The following WDR27 variants were observed in gnomAD, a reference collection of about 807,000 sequenced individuals.
WDR27 encodes the protein WD repeat domain 27.
WDR27 carries 100 observed loss-of-function variants against 114.4 expected under a neutral mutation model. The observed-to-expected ratio is 0.87, with a 90% CI of 0.74 to 1.03. WDR27 has a LOEUF of 1.03. Ranked by LOEUF, WDR27 falls within the 50% of genes least tolerant of loss-of-function variation. The pLI is 0.00. For synonymous variants in WDR27, 449 were observed against 423.1 expected (o/e 1.06, Z -0.75); for missense variants, 1,129 against 1,092.9 (o/e 1.03, Z -0.47).
chr6:169,521,619 G>A (rs549284095), intron 25 of WDR27, among the ~76,000 whole-genome samples: 5 of 152,066 alleles, frequency 3.3e-5, no homozygotes, highest in South Asian at 4.2e-4. Context: ...AACAGGTAAC[G>A]TAAAAAATAT....
chr6:169,655,401 A>C (rs528852895), intron 13 of WDR27, among the ~76,000 whole-genome samples: 2 of 152,372 alleles, frequency 1.3e-5, no homozygotes, highest in South Asian at 4.1e-4. Context: ...AAGACTGCTC[A>C]CAACAGCAGC....
At chr6:169,662,860 G>A (rs1341469561) in intron 8 of WDR27, among the ~76,000 whole-genome samples, 4 of 135,846 alleles carry the variant, frequency 2.9e-5, no homozygotes, top group African/African-American at 8.5e-5. Context: ...CGTGTGCACC[G>A]CGGAGTACTC....
chr6:169,476,046 CTGTTGGGAGAAAAGCTGAG>C (rs1408577556), intron 25 of WDR27, among the ~76,000 whole-genome samples: 2 of 152,140 alleles, frequency 1.3e-5, no homozygotes, highest in African/African-American at 2.4e-5. Context: ...TTCTATGCAG[CTGTTGGGAGAAAAGCTGAG>C]TGTTGGGAGA....
At chr6:169,666,430 G>T in intron 6 of WDR27, 2 of 985,422 alleles carry the variant, frequency 2.0e-6, no homozygotes, top group Non-Finnish European at 2.4e-6. Flanking sequence ...ATGGAAGAAC[G>T]CTCTCCTTTT....
At chr6:169,443,250 G>T in the WDR27 span, among the ~76,000 whole-genome samples, 1 of 152,222 alleles carries the variant, frequency 6.6e-6, no homozygotes, top group African/African-American at 2.4e-5. Context: ...CCCAAGCTCA[G>T]CAGGACCCTC....
chr6:169,626,325 C>T (rs1814817902), intron 21 of WDR27, among the ~76,000 whole-genome samples: 1 of 152,164 alleles, frequency 6.6e-6, no homozygotes, highest in Admixed American at 6.5e-5. Flanking sequence ...GGGGGCTGTG[C>T]TGTAGTGAGC....
chr6:169,430,306 C>T, the WDR27 span, among the ~76,000 whole-genome samples: 75 of 152,310 alleles, frequency 4.9e-4, no homozygotes, highest in Non-Finnish European at 7.5e-4. Context: ...TGAACAGGCC[C>T]CACAGTGTAG....
chr6:169,454,996 C>T (rs533719095), downstream of WDR27, among the ~76,000 whole-genome samples: 23 of 152,324 alleles, frequency 1.5e-4, no homozygotes, highest in Non-Finnish European at 2.5e-4. Context: ...GCAAAGACTG[C>T]GGGCTCTGGT....
chr6:169,585,266 T>G (rs1022762797), intron 23 of WDR27, among the ~76,000 whole-genome samples: 4 of 152,142 alleles, frequency 2.6e-5, no homozygotes, highest in Admixed American at 2.0e-4. Flanking sequence ...GAAGAAAAGC[T>G]CAGGCTACAA....
At chr6:169,636,617 T>C (rs1817713251) in intron 18 of WDR27, 113 bp from the exon 19 acceptor site, 13 of 1,123,930 alleles carry the variant, frequency 1.2e-5, no homozygotes, top group East Asian at 2.6e-5. Flanking sequence ...GTTCTAAATG[T>C]GTACATAAAC....
intron 7 of WDR27, chr6:169,664,673 A>C: frequency 9.7e-7 from 1 of 1,027,282 alleles, no homozygotes; most frequent in Non-Finnish European, 1.2e-6. Flanking sequence ...ACTTTGTCAA[A>C]AGGAAAAAAA....
intron 25 of WDR27, among the ~76,000 whole-genome samples, chr6:169,543,775 G>A (rs1023170382): frequency 1.3e-5 from 2 of 152,094 alleles, no homozygotes; most frequent in African/African-American, 2.4e-5. Flanking sequence ...TAAAGGTTAT[G>A]TGAGTTGTGA....
chr6:169,649,822 A>AT (rs1821786940), intron 14 of WDR27, among the ~76,000 whole-genome samples: 2 of 136,066 alleles, frequency 1.5e-5, no homozygotes, highest in African/African-American at 5.7e-5. Context: ...TCCCTCACAC[A>AT]TCCATCTCTC....
intron 25 of WDR27, among the ~76,000 whole-genome samples, chr6:169,500,288 T>G (rs73789971): frequency 0.018 from 2,730 of 152,258 alleles, 84 homozygotes; most frequent in African/African-American, 0.062. Flanking sequence ...TAGCAACATG[T>G]TGACTAAAAT....
At chr6:169,442,706 G>A in the WDR27 span, among the ~76,000 whole-genome samples, 2 of 152,148 alleles carry the variant, frequency 1.3e-5, no homozygotes, top group African/African-American at 4.8e-5. Context: ...ATAACCGAGT[G>A]GGACCACAGC....
At chr6:169,554,174 C>T (rs1005690494) in intron 25 of WDR27, among the ~76,000 whole-genome samples, 6 of 152,162 alleles carry the variant, frequency 3.9e-5, no homozygotes, top group East Asian at 1.9e-4. Context: ...AGGCTAGAAG[C>T]GGGTGGTCAT....
At chr6:169,661,583 G>T (rs1826128188) in intron 9 of WDR27, among the ~76,000 whole-genome samples, 1 of 152,178 alleles carries the variant, frequency 6.6e-6, no homozygotes, top group African/African-American at 2.4e-5. Context: ...GGGTCATGTG[G>T]CTCTGGCTTA....
At chr6:169,470,507 C>A (rs896907227) in intron 25 of WDR27, among the ~76,000 whole-genome samples, 1 of 152,196 alleles carries the variant, frequency 6.6e-6, no homozygotes, top group Non-Finnish European at 1.5e-5. Context: ...TAGAAATTAT[C>A]ATTTGCAGTT....
chr6:169,658,902 T>C (rs1278203018), intron 12 of WDR27, among the ~76,000 whole-genome samples, 184 bp downstream of exon 12: 2 of 152,174 alleles, frequency 1.3e-5, no homozygotes, highest in African/African-American at 2.4e-5. Context: ...TTAGCCAGGA[T>C]GGTCTCGATC....
Sources: allele counts gnomAD v4.1 joint callset (sites outside exome capture counted in the v4.1 genomes callset), GRCh38; gene constraint gnomAD v4.1.1; transcripts MANE v1.5; gene names NCBI Gene and HGNC (gene_info 2026-07-23, HGNC 2026-07-21).